Variants in PCDHA12 observed in about 807,000 individuals in gnomAD.
PCDHA12 encodes the protein protocadherin alpha-12.
PCDHA12 carries 44 observed loss-of-function variants against 60.0 expected under a neutral mutation model. The ratio of observed to expected loss-of-function variants is 0.73; its 90% confidence interval spans 0.58 to 0.94. The LOEUF is 0.94. Among genes scored for constraint, PCDHA12 ranks in the 40% least tolerant of loss-of-function variants. PCDHA12 has a pLI of 0.00. For missense variants in PCDHA12, 1,276 were observed against 1,239.7 expected, an observed-to-expected ratio of 1.03 and a Z score of -0.44; for synonymous variants, 569 against 553.0, an observed-to-expected ratio of 1.03 and a Z score of -0.40.
At chr5:140,962,076 G>A (rs2095654806) in intron 1 of PCDHA12, among the ~76,000 whole-genome samples, 1 of 151,758 alleles carries the variant, frequency 6.6e-6, no homozygotes. Flanking sequence ...TAGTAGAGAC[G>A]GGGTTTCACC....
At chr5:140,946,219 G>A (rs2093905754) in intron 1 of PCDHA12, among the ~76,000 whole-genome samples, 1 of 151,856 alleles carries the variant, frequency 6.6e-6, no homozygotes, top group Non-Finnish European at 1.5e-5. Context: ...TGACCAACAG[G>A]TATACTAAAA....
intron 1 of PCDHA12, chr5:140,884,416 G>T (rs1035372416): frequency 1.2e-6 from 2 of 1,614,006 alleles, no homozygotes; most frequent in East Asian, 4.5e-5. Flanking sequence ...TCACGTTGCT[G>T]CTGTATACTG....
intron 1 of PCDHA12, among the ~76,000 whole-genome samples, chr5:140,926,157 C>T (rs1264983904): frequency 4.0e-5 from 6 of 151,736 alleles, no homozygotes; most frequent in Non-Finnish European, 8.8e-5. Flanking sequence ...GAAAGCTCTG[C>T]AGCAGGATCC....
chr5:141,009,745 A>G lies in PCDHA12; in HGVS notation c.2634A>G (p.Lys878=). The G allele has an allele frequency of 6.2e-7, 1 of 1,614,104 alleles. No individual in the cohort carries two copies. The highest frequency in any genetic ancestry group is 8.5e-7 in the Non-Finnish European group (1 of 1,180,006). The part of the protein sequence containing the change: ...KQSGPGELPD[K]FIIPGSPAII... ...CCGGTCCCGGTGAGTTGCCCGACAA[A>G]TTCATTATCCCAGGATCTCCTGCAA... Residue 878 remains lysine, a synonymous_variant, in exon 4 of 4, where the codon AAA becomes AAG. Coordinates refer to ENST00000398631, the MANE Select transcript of PCDHA12 (RefSeq NM_018903.4).
At chr5:140,983,517 G>A (rs1475712929) in intron 3 of PCDHA12, among the ~76,000 whole-genome samples, 2 of 152,196 alleles carry the variant, frequency 1.3e-5, no homozygotes, top group African/African-American at 4.8e-5. Flanking sequence ...TAGACACTGT[G>A]CCAAGTACAT....
intron 1 of PCDHA12, among the ~76,000 whole-genome samples, chr5:140,941,191 T>TTTCTTTCTTCCTTTCTTCC (rs1487503403): frequency 1.1e-5 from 1 of 93,258 alleles, no homozygotes; most frequent in African/African-American, 3.9e-5. Flanking sequence ...GCTTCTTTTT[T>TTTCTTTCTTCCTTTCTTCC]TTTCTTTCTT....
chr5:140,916,161 G>C (rs1469456505), intron 1 of PCDHA12, among the ~76,000 whole-genome samples: 2 of 152,084 alleles, frequency 1.3e-5, no homozygotes, highest in African/African-American at 2.4e-5. Flanking sequence ...GGTGAATGCT[G>C]CCAGGCCTGG....
At chr5:140,883,416 G>A (rs782422692) in intron 1 of PCDHA12, 3 of 1,614,158 alleles carry the variant, frequency 1.9e-6, no homozygotes, top group East Asian at 2.2e-5. Context: ...GGCTCAAATG[G>A]ACAGGTCACC....
chr5:140,899,197 A>G (rs1300452676), intron 1 of PCDHA12, among the ~76,000 whole-genome samples: 2 of 152,018 alleles, frequency 1.3e-5, no homozygotes, highest in Admixed American at 6.6e-5. Context: ...TCTCCTGCCT[A>G]ATTGCCCTGG....
At chr5:140,978,839 CT>C in intron 1 of PCDHA12, 109 bp from the exon 2 acceptor site, 3 of 1,556,998 alleles carry the variant, frequency 1.9e-6, no homozygotes, top group Non-Finnish European at 2.6e-6. Context: ...TCATTCAATA[CT>C]TTTTTAGATG....
At chr5:140,958,294 A>G (rs1324756311) in intron 1 of PCDHA12, among the ~76,000 whole-genome samples, 1 of 152,142 alleles carries the variant, frequency 6.6e-6, no homozygotes, top group African/African-American at 2.4e-5. Context: ...ATATTATTGA[A>G]CTTAATTAAA....
chr5:140,967,425 C>G, intron 1 of PCDHA12: 2 of 1,613,296 alleles, frequency 1.2e-6, no homozygotes, highest in Non-Finnish European at 1.7e-6. Context: ...CGGGAGCAGG[C>G]AGCCTTGCAC....
intron 1 of PCDHA12, chr5:140,884,082 C>A (rs2059986179): frequency 1.2e-6 from 2 of 1,613,558 alleles, no homozygotes; most frequent in Non-Finnish European, 8.5e-7. Flanking sequence ...GGCTACAATG[C>A]GTGGCTTTCG....
chr5:140,888,647 T>C (rs781796685), intron 1 of PCDHA12, among the ~76,000 whole-genome samples: 2 of 152,244 alleles, frequency 1.3e-5, no homozygotes, highest in African/African-American at 2.4e-5. Context: ...AATACTTTCC[T>C]GAGGACACCA....
chr5:140,913,167 T>C (rs1232000053), intron 1 of PCDHA12, among the ~76,000 whole-genome samples: 1 of 152,196 alleles, frequency 6.6e-6, no homozygotes, highest in Non-Finnish European at 1.5e-5. Flanking sequence ...TTGGTATTAG[T>C]TCTTCTTTAA....
In PCDHA12 at chr5:140,987,225, A is replaced by T. The variant is rs182444933; in HGVS notation, c.2515+4662A>T. On this transcript the variant is annotated intron_variant, in intron 3 of 3. Transcript: ENST00000398631. Reference sequence around the variant, plus strand: ...TGAGACTCCATCTCAAAAAAAAAAAAAATAATAAATAAAGAAAGAAAGACA... The same window carrying T: ...TGAGACTCCATCTCAAAAAAAAAAATAATAATAAATAAAGAAAGAAAGACA... 6.5e-3 allele frequency among the ~76,000 whole-genome samples: 935 copies of T among 143,134 alleles called. 9 individuals carry two copies. Among genetic ancestry groups the T allele is most frequent in the African/African-American group, 0.025 (815 of 32,962 alleles). The allele number at this position is 143,134 out of a possible 152,430, so 93.9% of individuals were successfully genotyped here. A position where few individuals can be genotyped will look rare whatever the true frequency, so the allele number is the denominator to read the frequency against.
rs782638942 is a variant in PCDHA12, at chr5:140,876,442, G to T, written c.970G>T (p.Asp324Tyr). The T allele has an allele frequency of 1.5e-5, 25 of 1,613,894 alleles. 1 individual carries two copies. The South Asian group carries it at 2.7e-4, about 18-fold the overall frequency. The stretch of plus-strand genomic sequence containing the variant: ...CTATGAAATTCAGGTTAACGCCATT[G>T]ATAAAGGGATTCCTTCCATGGCAGG... ...NAYEIQVNAI[D>Y]KGIPSMAGHS... The change falls in exon 1 of 4, where the codon GAT becomes TAT. Residue 324 changes from aspartate (D) to tyrosine (Y), a missense_variant. Asp to Tyr is a radical substitution (Grantham distance 160, BLOSUM62 -3). Coordinates refer to ENST00000398631, the MANE Select transcript of PCDHA12 (RefSeq NM_018903.4).
At chr5:140,964,174 A>G (rs1187603456) in intron 1 of PCDHA12, among the ~76,000 whole-genome samples, 2 of 152,250 alleles carry the variant, frequency 1.3e-5, no homozygotes, top group African/African-American at 4.8e-5. Flanking sequence ...GAACGAAATC[A>G]TTATAGTGCC....
chr5:140,929,174 G>C, intron 1 of PCDHA12: 1 of 1,614,140 alleles, frequency 6.2e-7, no homozygotes, highest in South Asian at 1.1e-5. Flanking sequence ...GCCTCTCTGG[G>C]ACTTGGTTCT....
Sources: allele counts gnomAD v4.1 joint callset (sites outside exome capture counted in the v4.1 genomes callset), GRCh38; gene constraint gnomAD v4.1.1; transcripts MANE v1.5; gene names NCBI Gene and HGNC (gene_info 2026-07-23, HGNC 2026-07-21).